LEPR: variants seen among roughly 807,000 people sequenced by gnomAD.
LEPR encodes leptin receptor.
A neutral mutation model predicts 114.7 loss-of-function variants in LEPR; 56 were observed. The ratio of observed to expected loss-of-function variants is 0.49; its 90% CI spans 0.39 to 0.61. LEPR has a LOEUF of 0.61. Ranked by LOEUF, LEPR falls within the 20% of genes least tolerant of loss-of-function variation. The pLI is 0.00. For synonymous variants in LEPR, 443 were observed against 461.4 expected (o/e 0.96, Z 0.51); for missense variants, 1,202 against 1,352.9 (o/e 0.89, Z 1.75).
At chr1:65,588,447 A>C (rs538673292) in intron 5 of LEPR, among the ~76,000 whole-genome samples, 1 of 152,056 alleles carries the variant, frequency 6.6e-6, no homozygotes, top group Non-Finnish European at 1.5e-5. Context: ...TACATATTTA[A>C]ATTATAAATT....
intron 2 of LEPR, among the ~76,000 whole-genome samples, chr1:65,490,758 C>A (rs1647824715): frequency 6.6e-6 from 1 of 152,062 alleles, no homozygotes; most frequent in Non-Finnish European, 1.5e-5. Context: ...AAAACAAGTT[C>A]TTGTTAGCCA....
intron 2 of LEPR, among the ~76,000 whole-genome samples, chr1:65,515,088 C>T (rs1036960514): frequency 1.3e-5 from 2 of 152,168 alleles, no homozygotes; most frequent in Non-Finnish European, 2.9e-5. Flanking sequence ...GCCAGGATCT[C>T]AGCCAGCAGA....
rs1557636302 is a variant in LEPR at position 65,518,907 on chromosome 1, T to TTCTTTC, written c.-20-46637_-20-46632dup. Among the ~76,000 whole-genome samples, 562 of 119,096 alleles carry TTCTTTC rather than the reference T, an allele frequency of 4.7e-3. 1 individual carries two copies. Among genetic ancestry groups the TTCTTTC allele is most frequent in the Admixed American group, 7.2e-3 (87 of 12,018 alleles). 78.1% of individuals were successfully genotyped at this position (119,096 alleles called of 152,430 possible). A position where few individuals can be genotyped will look rare whatever the true frequency, so the allele number is the denominator to read the frequency against. ...TTTCTTTCTTTCTTTCTTTCTTTCT[T>TTCTTTC]TCTTTCTTTCTCTCTTTCTCTGTTT... is the stretch of plus-strand genomic sequence containing the variant. On this transcript the variant is annotated intron_variant, in intron 2 of 19. Transcript: ENST00000349533.
intron 2 of LEPR, among the ~76,000 whole-genome samples, chr1:65,480,855 T>C (rs1379441268): frequency 6.6e-6 from 1 of 151,920 alleles, no homozygotes; most frequent in African/African-American, 2.4e-5. Context: ...AAAGAAAAGA[T>C]ATGAATAAGC....
intron 2 of LEPR, among the ~76,000 whole-genome samples, chr1:65,526,608 T>C (rs1009009866): frequency 6.6e-6 from 1 of 152,154 alleles, no homozygotes; most frequent in African/African-American, 2.4e-5. Context: ...TAAAGTATAT[T>C]GAAACAAATA....
At chr1:65,544,272 G>C (rs2100677066) in intron 2 of LEPR, among the ~76,000 whole-genome samples, 1 of 152,076 alleles carries the variant, frequency 6.6e-6, no homozygotes, top group East Asian at 1.9e-4. Flanking sequence ...GAATGCTTGT[G>C]ATTTTCACAC....
chr1:65,540,413 C>T (rs1030654294), intron 2 of LEPR, among the ~76,000 whole-genome samples: 10 of 152,102 alleles, frequency 6.6e-5, no homozygotes, highest in African/African-American at 2.2e-4. Context: ...TTGGTGCCCT[C>T]CCTGTGGTAA....
intron 2 of LEPR, among the ~76,000 whole-genome samples, chr1:65,553,682 G>A (rs1053789397): frequency 5.3e-5 from 8 of 152,006 alleles, no homozygotes; most frequent in African/African-American, 1.7e-4. Context: ...GCTCAAAGGA[G>A]TTTGTTATTA....
chr1:65,421,451 T>A, intron 1 of LEPR: 1 of 1,536,162 alleles, frequency 6.5e-7, no homozygotes, highest in Non-Finnish European at 8.7e-7. Flanking sequence ...CAAGGCTTCC[T>A]GTATTTTGGT....
intron 2 of LEPR, among the ~76,000 whole-genome samples, chr1:65,439,146 G>A (rs374273220): frequency 6.6e-6 from 1 of 152,140 alleles, no homozygotes; most frequent in Non-Finnish European, 1.5e-5. Context: ...ATCTTCAGAT[G>A]TATATCCCTC....
intron 2 of LEPR, among the ~76,000 whole-genome samples, chr1:65,443,521 A>T (rs1283217142): frequency 1.3e-5 from 2 of 151,452 alleles, no homozygotes; most frequent in African/African-American, 4.8e-5. Context: ...AATTTCAAAA[A>T]TTTTTTGCTG....
rs1174273991 is a variant in LEPR at position 65,542,229 on chromosome 1, T to C, written c.-20-23317T>C. Among the ~76,000 whole-genome samples, 12 of 152,234 alleles carry C rather than the reference T, an allele frequency of 7.9e-5. No homozygotes were observed. The South Asian group carries it at 2.5e-3, about 31-fold the overall frequency. ...TTGTCTTTGTATACTTTATACAGAT[T>C]TCTTCAAATATTTGTATATTTCAAC... is the stretch of plus-strand genomic sequence containing the variant. On this transcript the variant is annotated intron_variant, in intron 2 of 19. Transcript: ENST00000349533.
chr1:65,554,346 G>C (rs1458984892), intron 2 of LEPR, among the ~76,000 whole-genome samples: 1 of 152,186 alleles, frequency 6.6e-6, no homozygotes, highest in African/African-American at 2.4e-5. Flanking sequence ...GTGTCCCAGG[G>C]AGATGGGAGT....
rs1658752093 is a variant in LEPR at position 65,637,325 on chromosome 1, C to T, written c.*310C>T. 3 of 254,902 alleles carry T rather than the reference C, an allele frequency of 1.2e-5. No individual in the cohort carries two copies. The highest frequency in any genetic ancestry group is 1.5e-3 in the Middle Eastern group (1 of 686). The allele number at this position is 254,902 out of a possible 1,614,324, so 15.8% of individuals were successfully genotyped here. ...GAGATGTAATTGTTTTTTCAGAGGGCGTGTTGTTTTACCTCAAGTTTTTGT... is the reference window on the plus strand; with the variant it reads ...GAGATGTAATTGTTTTTTCAGAGGGTGTGTTGTTTTACCTCAAGTTTTTGT... On this transcript the variant is annotated 3_prime_UTR_variant, in exon 20 of 20. Coordinates refer to ENST00000349533, the MANE Select transcript of LEPR (RefSeq NM_002303.6).
chr1:65,517,203 C>T (rs1254057586), intron 2 of LEPR, among the ~76,000 whole-genome samples: 1 of 152,098 alleles, frequency 6.6e-6, no homozygotes. Flanking sequence ...ACTGGTGGTT[C>T]CTGCAGGGTA....
chr1:65,517,702 C>T (rs565927850), intron 2 of LEPR, among the ~76,000 whole-genome samples: 1 of 152,318 alleles, frequency 6.6e-6, no homozygotes, highest in African/African-American at 2.4e-5. Flanking sequence ...TCATTCTAGT[C>T]TAACTCGTCT....
intron 2 of LEPR, among the ~76,000 whole-genome samples, chr1:65,531,322 T>C (rs1212292867): frequency 1.3e-5 from 2 of 152,218 alleles, no homozygotes; most frequent in Non-Finnish European, 1.5e-5. Context: ...TTCGTTCAAA[T>C]GTCTCCTTTT....
intron 19 of LEPR, among the ~76,000 whole-genome samples, chr1:65,628,587 G>A (rs552212836): frequency 6.6e-6 from 1 of 152,178 alleles, no homozygotes; most frequent in Admixed American, 6.5e-5. Context: ...TCTGAACATT[G>A]TGTTTTGAGC....
Position 65,601,670 on chromosome 1 carries a change from T to C in LEPR, c.1273T>C (p.Leu425=). The part of the protein sequence containing the change: ...EHECHHRYAE[L]YVIDVNINIS... ...TGAATGCCATCATCGCTATGCTGAA[T>C]TATATGTGATTGGTAAGAAAACAGA... The change falls in exon 9 of 20, where the codon TTA becomes CTA. Residue 425 remains leucine (L), a synonymous_variant. Transcript: ENST00000349533. 6.2e-7 allele frequency: 1 copy of C among 1,613,704 alleles called. No homozygotes were observed. Among genetic ancestry groups the C allele is most frequent in the Non-Finnish European group, 8.5e-7 (1 of 1,179,724 alleles).
Sources: gnomAD v4.1 joint callset for allele counts (sites outside exome capture counted in the v4.1 genomes callset) on GRCh38, gnomAD v4.1.1 for gene constraint, MANE v1.5 for transcripts, NCBI Gene and HGNC (gene_info 2026-07-23, HGNC 2026-07-21) for gene names.